The following CPEB1 variants were observed in gnomAD, a reference collection of about 807,000 sequenced individuals.
The protein encoded by CPEB1 is cytoplasmic polyadenylation element-binding protein 1.
CPEB1 carries 7 observed loss-of-function variants against 65.8 expected under a neutral mutation model. The ratio of observed to expected loss-of-function variants is 0.11; its 90% CI spans 0.06 to 0.20. CPEB1 has a LOEUF of 0.20. Ranked by LOEUF, CPEB1 falls within the 10% of genes least tolerant of loss-of-function variation. CPEB1 has a pLI of 1.00. For missense variants in CPEB1, 551 were observed against 712.2 expected, an observed-to-expected ratio of 0.77 and a Z score of 2.58; for synonymous variants, 262 against 260.0, an observed-to-expected ratio of 1.01 and a Z score of -0.08.
intron 1 of CPEB1, among the ~76,000 whole-genome samples, chr15:82,639,146 A>G (rs1382808541): frequency 6.6e-6 from 1 of 152,218 alleles, no homozygotes; most frequent in Non-Finnish European, 1.5e-5. Context: ...TTCCTTATCA[A>G]TAGCATATAA....
chr15:82,553,190 T>C (rs1347854809), intron 8 of CPEB1, among the ~76,000 whole-genome samples: 1 of 152,128 alleles, frequency 6.6e-6, no homozygotes, highest in African/African-American at 2.4e-5. Flanking sequence ...AAGGTGCTGC[T>C]TGGGTTCAGG....
In CPEB1 at chr15:82,547,242, G is replaced by T; in HGVS notation, c.1481-5C>A. On this transcript the variant is annotated splice_region_variant and splice_polypyrimidine_tract_variant and intron_variant, in intron 10 of 12. Transcript: ENST00000684509. ...TGAAAGTCACACGACCAGAACCTAG[G>T]ACAACAGACACAAGCTTCCCTTCTA... 6.4e-7 allele frequency: 1 copy of T among 1,563,210 alleles called. No individual in the cohort carries two copies. Among genetic ancestry groups the T allele is most frequent in the South Asian group, 1.1e-5 (1 of 89,140 alleles).
chr15:82,567,443 C>T (rs575671476), intron 4 of CPEB1, among the ~76,000 whole-genome samples: 3 of 151,878 alleles, frequency 2.0e-5, no homozygotes, highest in South Asian at 2.1e-4. Context: ...TCAAGACCCA[C>T]CTGGCCAAGA....
chr15:82,615,986 T>C (rs1371837004), intron 3 of CPEB1, among the ~76,000 whole-genome samples: 2 of 152,134 alleles, frequency 1.3e-5, no homozygotes, highest in Non-Finnish European at 2.9e-5. Context: ...GAATATTGTA[T>C]ATATTTATGT....
At chr15:82,555,286 C>G (rs906510725) in intron 6 of CPEB1, among the ~76,000 whole-genome samples, 7 of 152,220 alleles carry the variant, frequency 4.6e-5, no homozygotes, top group Non-Finnish European at 1.0e-4. Context: ...AGTGCTGAGC[C>G]ACCCAGGCCA....
At chr15:82,545,510 T>A (rs2035021533) in intron 12 of CPEB1, among the ~76,000 whole-genome samples, 1 of 152,206 alleles carries the variant, frequency 6.6e-6, no homozygotes, top group African/African-American at 2.4e-5. Context: ...ACTAGCAGCA[T>A]TGACACCACT....
At chr15:82,597,957 A>G (rs1210506808) in intron 3 of CPEB1, among the ~76,000 whole-genome samples, 1 of 152,226 alleles carries the variant, frequency 6.6e-6, no homozygotes, top group Non-Finnish European at 1.5e-5. Context: ...CTATAGGACT[A>G]TTGACAATGA....
chr15:82,572,851 A>G (rs1302322632), intron 3 of CPEB1: 1 of 574,432 alleles, frequency 1.7e-6, no homozygotes, highest in East Asian at 3.0e-5. Flanking sequence ...AGCTCCAGCA[A>G]CAAAGACTAA....
chr15:82,580,488 A>AG (rs1268002965), intron 3 of CPEB1, among the ~76,000 whole-genome samples: 2 of 152,164 alleles, frequency 1.3e-5, no homozygotes, highest in African/African-American at 2.4e-5. Flanking sequence ...TAAATATGCA[A>AG]GGGGTACCCT....
intron 3 of CPEB1, among the ~76,000 whole-genome samples, chr15:82,604,440 C>T (rs1177171347): frequency 6.7e-6 from 1 of 150,110 alleles, no homozygotes; most frequent in Non-Finnish European, 1.5e-5. Flanking sequence ...CGAGATTGAT[C>T]GCGCCACTAC....
chr15:82,642,760 GA>G lies in CPEB1; in HGVS notation c.-98+4376del, dbSNP rs144030177. On this transcript the variant is annotated intron_variant, in intron 1 of 12. Transcript: ENST00000684509. Reference sequence around the variant, plus strand: ...TCAGTACAGTTTATATACCGCCTAGGAAAAGCACATTTGCAGAACAGGATGA... The same window carrying G: ...TCAGTACAGTTTATATACCGCCTAGGAAAGCACATTTGCAGAACAGGATGA... Among the ~76,000 whole-genome samples, 805 of 152,260 alleles carry G rather than the reference GA, an allele frequency of 5.3e-3. 8 individuals are homozygous for G. Among genetic ancestry groups the G allele is most frequent in the Non-Finnish European group, 6.2e-3 (425 of 68,010 alleles).
intron 3 of CPEB1, among the ~76,000 whole-genome samples, chr15:82,605,510 C>T (rs1473878719): frequency 6.6e-6 from 1 of 151,888 alleles, no homozygotes; most frequent in Non-Finnish European, 1.5e-5. Flanking sequence ...TACAACTATA[C>T]AATGTATTCT....
At chr15:82,627,466 T>C (rs1254883634) in intron 2 of CPEB1, 99 bp from the exon 3 acceptor site, 9 of 864,620 alleles carry the variant, frequency 1.0e-5, no homozygotes, top group African/African-American at 1.7e-5. Flanking sequence ...AGGACTTAAG[T>C]ATCTTCTTTA....
chr15:82,601,387 A>G (rs2043110546), intron 3 of CPEB1, among the ~76,000 whole-genome samples: 1 of 152,028 alleles, frequency 6.6e-6, no homozygotes, highest in African/African-American at 2.4e-5. Context: ...CTAAAAATAC[A>G]AAAATTAGCC....
At chr15:82,587,533 G>C (rs1221646613) in intron 3 of CPEB1, among the ~76,000 whole-genome samples, 4 of 152,326 alleles carry the variant, frequency 2.6e-5, no homozygotes, top group African/African-American at 9.6e-5. Context: ...CAAGACGACA[G>C]CTGCATGAAG....
chr15:82,633,570 A>G (rs1402202488), intron 1 of CPEB1, among the ~76,000 whole-genome samples: 2 of 152,002 alleles, frequency 1.3e-5, no homozygotes, highest in Non-Finnish European at 2.9e-5. Context: ...ACAGGGTTTC[A>G]CCATGTTGGC....
chr15:82,616,269 A>G lies in CPEB1; in HGVS notation c.271+10924T>C, dbSNP rs181814014. Among the ~76,000 whole-genome samples the G allele has an allele frequency of 1.6e-3, 244 of 152,152 alleles. 1 individual carries two copies. The highest frequency in any genetic ancestry group is 5.6e-3 in the African/African-American group (232 of 41,526). On this transcript the variant is annotated intron_variant, in intron 3 of 12. Coordinates refer to ENST00000684509, the MANE Select transcript of CPEB1 (RefSeq NM_001365242.1). Reference sequence around the variant, plus strand: ...CCCAGTTATATACTTTAAACTGTGCATTTTCCTCAGTGTATGTTTTATTTA... The same window carrying G: ...CCCAGTTATATACTTTAAACTGTGCGTTTTCCTCAGTGTATGTTTTATTTA...
At position 82,628,435 on chromosome 15, in the gene CPEB1, T is replaced by C. The variant is rs867086159; in HGVS notation, c.25A>G (p.Thr9Ala). The change falls in exon 2 of 13, where the codon ACA becomes GCA. Residue 9 changes from threonine to alanine, a missense_variant. By Grantham distance (58) the Thr-to-Ala change is moderately conservative. Transcript: ENST00000684509. ...CCAGTGCCAGACATGGAAGACGATG[T>C]TGAAGTAGCAATGCCAGAAAACATA... MFSGIATS[T>A]SSSMSGTGLE... The C allele has an allele frequency of 2.8e-6, 2 of 702,968 alleles. No individual in the cohort carries two copies. The highest frequency in any genetic ancestry group is 2.3e-4 in the Middle Eastern group (1 of 4,370). 43.5% of individuals were successfully genotyped at this position (702,968 alleles called of 1,614,324 possible). A position where few individuals can be genotyped will look rare whatever the true frequency, so the allele number is the denominator to read the frequency against.
intron 3 of CPEB1, among the ~76,000 whole-genome samples, chr15:82,575,714 C>T (rs1244860921): frequency 6.6e-6 from 1 of 151,850 alleles, no homozygotes; most frequent in East Asian, 1.9e-4. Context: ...CAAAGAAATC[C>T]AAGTTAAAAC....
Sources: allele counts gnomAD v4.1 joint callset (sites outside exome capture counted in the v4.1 genomes callset), GRCh38; gene constraint gnomAD v4.1.1; transcripts MANE v1.5; gene names NCBI Gene and HGNC (gene_info 2026-07-23, HGNC 2026-07-21).